Variants in CAPRIN1 observed in about 807,000 individuals in gnomAD.
The protein encoded by CAPRIN1 is cell cycle associated protein 1.
A neutral mutation model predicts 100.9 loss-of-function variants in CAPRIN1; 29 were observed. That is an observed-to-expected ratio of 0.29 (90% CI 0.21 to 0.39). The LOEUF (loss-of-function observed/expected upper bound fraction) is 0.39, where lower values mean the gene tolerates loss of function less well. Among genes scored for constraint, CAPRIN1 ranks in the 10% least tolerant of loss-of-function variants. CAPRIN1 has a pLI of 1.00. For synonymous variants in CAPRIN1, 338 were observed against 307.5 expected, an observed-to-expected ratio of 1.10 and a Z score of -1.04; for missense variants, 795 against 876.7, an observed-to-expected ratio of 0.91 and a Z score of 1.18.
In CAPRIN1 at chr11:34,089,379, T is replaced by C. The variant is rs1372596459; in HGVS notation, c.1232-16T>C. 1.3e-6 allele frequency: 2 copies of C among 1,570,588 alleles called. No individual in the cohort carries two copies. The highest frequency in any genetic ancestry group is 1.4e-5 in the African/African-American group (1 of 72,920). On this transcript the variant is annotated splice_polypyrimidine_tract_variant and intron_variant, in intron 11 of 18. Transcript: ENST00000341394. ...TTTAATTTTGTTTGACAAAAATGTTTTGGTCACCTTTGCAGTTCATTCTGA... is the reference window on the plus strand; with the variant it reads ...TTTAATTTTGTTTGACAAAAATGTTCTGGTCACCTTTGCAGTTCATTCTGA...
At chr11:34,071,813 T>C (rs1850808850) in intron 3 of CAPRIN1, 25 bp downstream of exon 3, 2 of 1,583,760 alleles carry the variant, frequency 1.3e-6, no homozygotes, top group African/African-American at 2.7e-5. Flanking sequence ...TTTTTTATTT[T>C]AGACCTAATG....
chr11:34,091,659 A>AT (rs1329900197), intron 14 of CAPRIN1: 14 of 302,832 alleles, frequency 4.6e-5, no homozygotes, highest in African/African-American at 1.3e-4. Context: ...ATGTCTTTTT[A>AT]TTTTTTTTAA....
At chr11:34,099,064 A>G (rs1851414713) in intron 18 of CAPRIN1, 3 of 1,387,450 alleles carry the variant, frequency 2.2e-6, no homozygotes, top group Admixed American at 6.1e-5. Context: ...GAATGAATGA[A>G]TGAGTACTGG....
intron 16 of CAPRIN1, 75 bp downstream of exon 16, chr11:34,096,748 C>A: frequency 8.5e-7 from 1 of 1,179,960 alleles, no homozygotes; most frequent in Non-Finnish European, 1.2e-6. Context: ...AAATATATCA[C>A]ACAGTTTTTG....
At chr11:34,098,274 C>A in intron 18 of CAPRIN1, 1 of 984,506 alleles carries the variant, frequency 1.0e-6, no homozygotes, top group Non-Finnish European at 1.2e-6. Context: ...TTTTGGACCT[C>A]TATTAGTGAT....
At chr11:34,094,033 G>A (rs1851316938) in intron 15 of CAPRIN1, among the ~76,000 whole-genome samples, 1 of 152,068 alleles carries the variant, frequency 6.6e-6, no homozygotes, top group Non-Finnish European at 1.5e-5. Flanking sequence ...GTGTATTTAT[G>A]GTATACAGCA....
chr11:34,078,870 T>G (rs1460752302), intron 6 of CAPRIN1, among the ~76,000 whole-genome samples: 1 of 152,236 alleles, frequency 6.6e-6, no homozygotes, highest in Non-Finnish European at 1.5e-5. Context: ...CTCACTCTGA[T>G]TGGGTCCAGT....
At position 34,096,676 on chromosome 11, in the gene CAPRIN1, A is replaced by G. The variant is rs200880394; in HGVS notation, c.1900+3A>G. ...GGGCCCTGCCAATGGATTCAGAGGT[A>G]AAAAAATAAAAAAGGAGGTTCTAAT... On this transcript the variant is annotated splice_donor_region_variant and intron_variant, in intron 16 of 18. Transcript: ENST00000341394. 1 of 1,577,992 alleles carries G rather than the reference A, an allele frequency of 6.3e-7. No individual in the cohort carries two copies. Among genetic ancestry groups the G allele is most frequent in the African/African-American group, 1.4e-5 (1 of 73,736 alleles).
At chr11:34,070,423 A>G (rs79621805) in intron 2 of CAPRIN1, among the ~76,000 whole-genome samples, 15,565 of 152,224 alleles carry the variant, frequency 0.1, 863 homozygotes, top group African/African-American at 0.15. Context: ...GGGGAGCAGC[A>G]TCTCACGCTG....
chr11:34,065,874 A>AG lies in CAPRIN1; in HGVS notation c.217-5850dup, dbSNP rs1159765564. On this transcript the variant is annotated intron_variant, in intron 2 of 18. Coordinates refer to ENST00000341394, the MANE Select transcript of CAPRIN1 (RefSeq NM_005898.5). ...TGAAGCTTAGGCAAGGACAGGGGATAGGATATTTATAATAGTAGTGTAGAA... is the reference window on the plus strand; with the variant it reads ...TGAAGCTTAGGCAAGGACAGGGGATAGGGATATTTATAATAGTAGTGTAGAA... Among the ~76,000 whole-genome samples the AG allele has an allele frequency of 2.6e-5, 4 of 152,246 alleles. No individual in the cohort carries two copies. In the East Asian group the frequency reaches 7.7e-4, roughly 29 times the overall value.
rs1349929172 is a variant in CAPRIN1 at position 34,096,607 on chromosome 11, C to T, written c.1834C>T (p.Arg612Cys). Reference protein sequence around the residue: ...QPYYNSRGVSRGGSRGARGLM... With the variant: ...QPYYNSRGVSCGGSRGARGLM... ...CTATTACAATAGTCGTGGTGTGTCTCGTGGAGGCTCCCGTGGTGCTAGAGG... is the reference window on the plus strand; with the variant it reads ...CTATTACAATAGTCGTGGTGTGTCTTGTGGAGGCTCCCGTGGTGCTAGAGG... The change falls in exon 16 of 19, where the codon CGT (arginine) becomes TGT (cysteine). Residue 612 changes from arginine to cysteine, a missense_variant. By Grantham distance (180) the Arg-to-Cys change is radical (BLOSUM62 -3). This residue lies in a region of CAPRIN1 where 648 missense variants were observed against 697.9 expected (regional missense o/e 0.93). Transcript: ENST00000341394. 1 of 1,613,594 alleles carries T rather than the reference C, an allele frequency of 6.2e-7. No individual in the cohort carries two copies. The highest frequency in any genetic ancestry group is 8.5e-7 in the Non-Finnish European group (1 of 1,179,660).
intron 11 of CAPRIN1, among the ~76,000 whole-genome samples, chr11:34,087,769 T>G (rs1002888104): frequency 1.3e-5 from 2 of 152,202 alleles, no homozygotes; most frequent in Admixed American, 1.3e-4. Flanking sequence ...GGGAGTTGTG[T>G]GAAAGTCAGT....
chr11:34,094,799 C>T (rs1851336258), intron 15 of CAPRIN1, among the ~76,000 whole-genome samples: 1 of 152,186 alleles, frequency 6.6e-6, no homozygotes, highest in African/African-American at 2.4e-5. Flanking sequence ...AGAGCTAGAC[C>T]TTGTCTTAAA....
intron 2 of CAPRIN1, among the ~76,000 whole-genome samples, chr11:34,064,841 T>G (rs1010411344): frequency 6.6e-6 from 1 of 152,148 alleles, no homozygotes; most frequent in South Asian, 2.1e-4. Context: ...CTAGGTTAGA[T>G]TCGTAAACTG....
At chr11:34,092,211 G>A (rs1330537745) in intron 15 of CAPRIN1, among the ~76,000 whole-genome samples, 155 bp downstream of exon 15, 1 of 152,174 alleles carries the variant, frequency 6.6e-6, no homozygotes, top group African/African-American at 2.4e-5. Context: ...GAGTTAAATT[G>A]AGTCTGTACT....
chr11:34,078,822 A>G, intron 6 of CAPRIN1, among the ~76,000 whole-genome samples: 1 of 152,074 alleles, frequency 6.6e-6, no homozygotes, highest in Non-Finnish European at 1.5e-5. Flanking sequence ...TCTGGATTTC[A>G]ACTCTTGTAG....
At chr11:34,084,133 C>CAGT (rs1851090028) in intron 9 of CAPRIN1, among the ~76,000 whole-genome samples, 1 of 151,928 alleles carries the variant, frequency 6.6e-6, no homozygotes, top group Non-Finnish European at 1.5e-5. Flanking sequence ...CACTCTTGCC[C>CAGT]AGTAGAGATG....
At chr11:34,093,556 C>T (rs1338627507) in intron 15 of CAPRIN1, among the ~76,000 whole-genome samples, 2 of 152,160 alleles carry the variant, frequency 1.3e-5, no homozygotes, top group African/African-American at 4.8e-5. Flanking sequence ...AAACTTGGAT[C>T]AGCATTAGAT....
At chr11:34,064,233 C>T (rs1331836953) in intron 2 of CAPRIN1, among the ~76,000 whole-genome samples, 1 of 151,056 alleles carries the variant, frequency 6.6e-6, no homozygotes, top group African/African-American at 2.5e-5. Flanking sequence ...CTGTCTGGAG[C>T]CCTTTATTAC....
Sources: allele counts gnomAD v4.1 joint callset (sites outside exome capture counted in the v4.1 genomes callset), GRCh38; gene constraint gnomAD v4.1.1; regional missense constraint gnomAD v4.1.1; transcripts MANE v1.5; gene names NCBI Gene and HGNC (gene_info 2026-07-23, HGNC 2026-07-21).